PNISR: variants seen among roughly 807,000 people sequenced by gnomAD.
PNISR encodes PNN interacting serine and arginine rich protein.
Under a neutral mutation model 93.4 loss-of-function variants are expected in PNISR, and 20 were observed. That is an observed-to-expected ratio of 0.21 (90% confidence interval 0.15 to 0.31). The LOEUF (loss-of-function observed/expected upper bound fraction) is 0.31, where lower values mean the gene tolerates loss of function less well. Ranked by LOEUF, PNISR falls within the 10% of genes least tolerant of loss-of-function variation. The probability of loss-of-function intolerance (pLI) is 1.00; values close to 1 mark genes in which losing one functional copy is unlikely to be tolerated. For synonymous variants in PNISR, 305 were observed against 306.5 expected, an observed-to-expected ratio of 0.99 and a Z score of 0.05; for missense variants, 893 against 985.4, an observed-to-expected ratio of 0.91 and a Z score of 1.25.
chr6:99,402,005 G>GTA (rs1342300420), intron 11 of PNISR, among the ~76,000 whole-genome samples: 1 of 152,142 alleles, frequency 6.6e-6, no homozygotes, highest in Non-Finnish European at 1.5e-5. Context: ...GCAAAATACA[G>GTA]TATCAAGATG....
At chr6:99,412,870 T>C in intron 3 of PNISR, 131 bp from the exon 4 acceptor site, 3 of 527,446 alleles carry the variant, frequency 5.7e-6, no homozygotes, top group Non-Finnish European at 6.3e-6. Flanking sequence ...ATGAGGGAAA[T>C]TAGAAAAATT....
intron 8 of PNISR, among the ~76,000 whole-genome samples, chr6:99,405,087 A>G (rs1775989451): frequency 1.3e-5 from 2 of 152,074 alleles, no homozygotes; most frequent in South Asian, 2.1e-4. Flanking sequence ...CCACAAAACC[A>G]TTTTATAAAA....
chr6:99,413,207 A>G (rs2128488619), intron 3 of PNISR, among the ~76,000 whole-genome samples: 1 of 152,212 alleles, frequency 6.6e-6, no homozygotes, highest in African/African-American at 2.4e-5. Context: ...GAGAGCAGCT[A>G]CCTAACTCTG....
At chr6:99,411,059 T>C in intron 4 of PNISR, 95 bp from the exon 5 acceptor site, 3 of 914,160 alleles carry the variant, frequency 3.3e-6, no homozygotes, top group South Asian at 3.2e-5. Flanking sequence ...TCAGTAAACA[T>C]ACAGATTTAA....
intron 3 of PNISR, among the ~76,000 whole-genome samples, chr6:99,413,257 T>C (rs1777200043): frequency 6.6e-6 from 1 of 152,164 alleles, no homozygotes; most frequent in South Asian, 2.1e-4. Context: ...AAGGCTCCCT[T>C]CTCTAGCCAA....
intron 5 of PNISR, 148 bp from the exon 6 acceptor site, chr6:99,409,492 G>T: frequency 1.5e-6 from 1 of 647,262 alleles, no homozygotes; most frequent in Non-Finnish European, 2.5e-6. Context: ...ATACTTCTAT[G>T]GTCCCAAGAA....
At chr6:99,419,489 C>A (rs1778256252) in intron 1 of PNISR, among the ~76,000 whole-genome samples, 1 of 152,150 alleles carries the variant, frequency 6.6e-6, no homozygotes, top group African/African-American at 2.4e-5. Flanking sequence ...AAAGGGACTA[C>A]AATCTGTCCC....
At chr6:99,422,895 A>AAAAAC (rs1562268037) in intron 1 of PNISR, among the ~76,000 whole-genome samples, 23 of 132,902 alleles carry the variant, frequency 1.7e-4, no homozygotes, top group Non-Finnish European at 2.9e-4. Flanking sequence ...AAAAAAAAAA[A>AAAAAC]AAAACTGGAG....
chr6:99,423,137 T>C (rs1404232754), intron 1 of PNISR, among the ~76,000 whole-genome samples: 2 of 148,022 alleles, frequency 1.4e-5, no homozygotes, highest in African/African-American at 5.0e-5. Context: ...CAGGAAGCAA[T>C]AAAGTGCTAA....
At chr6:99,418,426 G>A (rs1277614893) in intron 1 of PNISR, among the ~76,000 whole-genome samples, 3 of 148,354 alleles carry the variant, frequency 2.0e-5, no homozygotes, top group South Asian at 4.3e-4. Flanking sequence ...GTGAACCACC[G>A]CACCCAGCTG....
At chr6:99,414,762 TTA>T (rs552783936) in intron 2 of PNISR, 72 bp from the exon 3 acceptor site, 26 of 635,766 alleles carry the variant, frequency 4.1e-5, no homozygotes, top group Non-Finnish European at 6.7e-5. Context: ...TCAGAAATTA[TTA>T]TATGATGATA....
intron 1 of PNISR, 24 bp downstream of exon 1, chr6:99,425,191 G>C: frequency 8.2e-7 from 1 of 1,226,486 alleles, no homozygotes; most frequent in Non-Finnish European, 1.0e-6. Context: ...AAGTGCCCAC[G>C]TATAATTGTT....
Position 99,398,646 on chromosome 6 carries a change from T to C in PNISR, c.*1894A>G, listed in dbSNP as rs1011869750. On this transcript the variant is annotated 3_prime_UTR_variant, in exon 12 of 12. Coordinates refer to ENST00000369239, the MANE Select transcript of PNISR (RefSeq NM_032870.4). The stretch of plus-strand genomic sequence containing the variant: ...AACTTGCCCAAAAATGTGCATATCA[T>C]AGCCAACAGAATTTTTCTGTAGAAT... 1.3e-5 allele frequency: 2 copies of C among 152,120 alleles called. No individual in the cohort carries two copies. The highest frequency in any genetic ancestry group is 2.9e-5 in the Non-Finnish European group (2 of 67,954). The allele number at this position is 152,120 out of a possible 1,614,324, so 9.4% of individuals were successfully genotyped here.
chr6:99,402,599 T>C lies in PNISR; in HGVS notation c.1268A>G (p.Gln423Arg), dbSNP rs766729781. 3.1e-6 allele frequency: 5 copies of C among 1,613,728 alleles called. No individual in the cohort carries two copies. The highest frequency in any genetic ancestry group is 2.2e-5 in the East Asian group (1 of 44,868). Residue 423 changes from glutamine (Q) to arginine (R), a missense_variant, in exon 11 of 12, where the codon CAG becomes CGG. By Grantham distance (43) the Gln-to-Arg change is conservative. Coordinates refer to ENST00000369239, the MANE Select transcript of PNISR (RefSeq NM_032870.4). ...EELRHRIRQK[Q>R]EAFWRKEKEQ... Reference sequence around the variant, plus strand: ...TTTTTCTTTTCTCCAAAAAGCTTCCTGTTTTTGCCGGATTCGATGCCGTAA... The same window carrying C: ...TTTTTCTTTTCTCCAAAAAGCTTCCCGTTTTTGCCGGATTCGATGCCGTAA...
chr6:99,409,973 C>T (rs1776696224), intron 5 of PNISR: 1 of 152,160 alleles, frequency 6.6e-6, no homozygotes, highest in Non-Finnish European at 1.5e-5. Flanking sequence ...ACCAAGTATA[C>T]AAGTATCTGA....
intron 7 of PNISR, 69 bp downstream of exon 7, chr6:99,408,012 T>C (rs979490837): frequency 5.3e-6 from 6 of 1,123,296 alleles, no homozygotes; most frequent in Middle Eastern, 2.2e-4. Context: ...GGCTAAAATA[T>C]CTATTTCAGT....
At position 99,401,538 on chromosome 6, in the gene PNISR, C is replaced by T. The variant is rs1424498715; in HGVS notation, c.1420G>A (p.Ala474Thr). ...NSLSLLEARE[A>T]DGDVVNEKKR... Reference sequence around the variant, plus strand: ...TTTTCATTAACCACATCACCGTCTGCTTCTCTTGCTTCTAGTAGTGATAAA... The same window carrying T: ...TTTTCATTAACCACATCACCGTCTGTTTCTCTTGCTTCTAGTAGTGATAAA... The change falls in exon 12 of 12, where the codon GCA becomes ACA. Residue 474 changes from alanine (A) to threonine (T), a missense_variant. Transcript: ENST00000369239. 6.2e-7 allele frequency: 1 copy of T among 1,611,652 alleles called. No individual in the cohort carries two copies. Among genetic ancestry groups the T allele is most frequent in the Non-Finnish European group, 8.5e-7 (1 of 1,179,418 alleles).
intron 1 of PNISR, among the ~76,000 whole-genome samples, chr6:99,420,850 T>C (rs1778461453): frequency 6.6e-6 from 1 of 152,240 alleles, no homozygotes; most frequent in Non-Finnish European, 1.5e-5. Context: ...CATTAAATTT[T>C]CATGTTTTTG....
chr6:99,403,837 G>A lies in PNISR; in HGVS notation c.1148C>T (p.Thr383Ile). ...ATATGGAAAACACTTACCGAGTCCAGTGAGGGAAGCCAGTGCACTGGACTG... is the reference window on the plus strand; with the variant it reads ...ATATGGAAAACACTTACCGAGTCCAATGAGGGAAGCCAGTGCACTGGACTG... ...LAQSSALASL[T>I]GLGGLGGYGS... Residue 383 changes from threonine to isoleucine, a missense_variant, in exon 10 of 12, where the codon ACT becomes ATT. This residue lies in a region of PNISR where 866 missense variants were observed against 935.1 expected (regional missense o/e 0.93). Transcript: ENST00000369239. 1 of 1,612,948 alleles carries A rather than the reference G, an allele frequency of 6.2e-7. No individual in the cohort carries two copies. The highest frequency in any genetic ancestry group is 2.2e-5 in the East Asian group (1 of 44,862).
Sources: gnomAD v4.1 joint callset for allele counts (sites outside exome capture counted in the v4.1 genomes callset) on GRCh38, gnomAD v4.1.1 for gene constraint, gnomAD v4.1.1 regional missense constraint, MANE v1.5 for transcripts, NCBI Gene and HGNC (gene_info 2026-07-23, HGNC 2026-07-21) for gene names.